Variants in TXNDC11 observed in about 807,000 individuals in gnomAD.
The protein encoded by TXNDC11 is thioredoxin domain-containing protein 11.
A neutral mutation model predicts 78.0 loss-of-function variants in TXNDC11; 68 were observed. The observed-to-expected ratio is 0.87, with a 90% confidence interval of 0.72 to 1.07. The LOEUF is 1.07. Ranked by LOEUF, TXNDC11 falls within the 50% of genes least tolerant of loss-of-function variation. The pLI, the probability that TXNDC11 is intolerant of heterozygous loss-of-function variation, is 0.00. For missense variants in TXNDC11, 1,389 were observed against 1,221.8 expected, an observed-to-expected ratio of 1.14 and a Z score of -2.04; for synonymous variants, 571 against 495.2, an observed-to-expected ratio of 1.15 and a Z score of -2.03.
In TXNDC11 at chr16:11,699,305, ATTTC is replaced by A. The variant is rs1272326551; in HGVS notation, c.907-984_907-981del. On this transcript the variant is annotated intron_variant, in intron 6 of 11. Coordinates refer to ENST00000283033, the MANE Select transcript of TXNDC11 (RefSeq NM_015914.7). ...ACCTTTCTTTCCCCATCTACTTTTA[ATTTC>A]TTTCTCAGTACCCTTTACTATAAAT... is the stretch of plus-strand genomic sequence containing the variant. 2.6e-5 allele frequency among the ~76,000 whole-genome samples: 4 copies of A among 152,270 alleles called. No homozygotes were observed. In the East Asian group the frequency reaches 7.7e-4, roughly 29 times the overall value.
chr16:11,695,127 A>G (rs1455555823), intron 7 of TXNDC11, among the ~76,000 whole-genome samples: 1 of 149,160 alleles, frequency 6.7e-6, no homozygotes, highest in African/African-American at 2.6e-5. Flanking sequence ...TGTAATACAC[A>G]CTGTGATGTC....
intron 6 of TXNDC11, among the ~76,000 whole-genome samples, chr16:11,699,084 A>G (rs2050937857): frequency 6.6e-6 from 1 of 152,220 alleles, no homozygotes; most frequent in African/African-American, 2.4e-5. Context: ...GAAAAATGAG[A>G]TATTTAAAAC....
intron 11 of TXNDC11, among the ~76,000 whole-genome samples, chr16:11,680,179 C>G (rs1194629064): frequency 6.6e-6 from 1 of 152,312 alleles, no homozygotes; most frequent in Admixed American, 6.5e-5. Context: ...TCTGTGTGCT[C>G]GGAGATGCCC....
chr16:11,680,450 G>C (rs1410033732), intron 11 of TXNDC11, among the ~76,000 whole-genome samples: 2 of 152,202 alleles, frequency 1.3e-5, no homozygotes, highest in Non-Finnish European at 2.9e-5. Flanking sequence ...TATGAATTCA[G>C]GCTGCCCAGC....
chr16:11,688,066 T>G, intron 9 of TXNDC11, 100 bp from the exon 10 acceptor site: 1 of 1,013,018 alleles, frequency 9.9e-7, no homozygotes, highest in Admixed American at 2.0e-5. Flanking sequence ...CGAAAAATGC[T>G]ACCTATGCAA....
intron 4 of TXNDC11, among the ~76,000 whole-genome samples, chr16:11,726,754 T>C (rs754617369): frequency 6.6e-6 from 1 of 152,090 alleles, no homozygotes; most frequent in Non-Finnish European, 1.5e-5. Context: ...TCCATATACA[T>C]ATAATAAAAT....
chr16:11,690,471 A>T (rs577042921), intron 8 of TXNDC11, among the ~76,000 whole-genome samples: 2 of 152,374 alleles, frequency 1.3e-5, no homozygotes, highest in East Asian at 3.8e-4. Flanking sequence ...GCAGCAGAAC[A>T]AATTAGGTCT....
intron 10 of TXNDC11, among the ~76,000 whole-genome samples, chr16:11,685,410 C>G (rs2050539186): frequency 6.6e-6 from 1 of 151,954 alleles, no homozygotes; most frequent in African/African-American, 2.4e-5. Context: ...CTTTAGGAGG[C>G]CGAGGCAGGC....
intron 10 of TXNDC11, among the ~76,000 whole-genome samples, chr16:11,685,139 G>A (rs1284071658): frequency 1.3e-5 from 2 of 152,004 alleles, no homozygotes; most frequent in East Asian, 1.9e-4. Flanking sequence ...CGAGGTGGGT[G>A]GACTGTTTGA....
chr16:11,713,577 T>G (rs865921494), intron 5 of TXNDC11, among the ~76,000 whole-genome samples: 1 of 152,148 alleles, frequency 6.6e-6, no homozygotes. Context: ...CCACCATGCC[T>G]GCCTATTTTT....
chr16:11,718,367 A>T (rs2051605229), intron 5 of TXNDC11, among the ~76,000 whole-genome samples: 1 of 152,224 alleles, frequency 6.6e-6, no homozygotes, highest in Non-Finnish European at 1.5e-5. Context: ...ACAACAGTCT[A>T]AACACTTCTT....
At chr16:11,702,661 G>C (rs1012902711) in intron 5 of TXNDC11, among the ~76,000 whole-genome samples, 3 of 152,216 alleles carry the variant, frequency 2.0e-5, no homozygotes, top group Non-Finnish European at 4.4e-5. Context: ...CTGGGCAACA[G>C]AGTGAGACTC....
chr16:11,702,414 T>A lies in TXNDC11; in HGVS notation c.794-1850A>T, dbSNP rs561281326. Among the ~76,000 whole-genome samples, 12 of 152,330 alleles carry A rather than the reference T, an allele frequency of 7.9e-5. 1 individual carries two copies. In the South Asian group the frequency reaches 2.5e-3, roughly 32 times the overall value. ...CAGGCGCAGGGGCTCATGCTCTTAATCCTAGCACTTTGGGAGGCCGAGGTG... is the reference window on the plus strand; with the variant it reads ...CAGGCGCAGGGGCTCATGCTCTTAAACCTAGCACTTTGGGAGGCCGAGGTG... On this transcript the variant is annotated intron_variant, in intron 5 of 11. Coordinates refer to ENST00000283033, the MANE Select transcript of TXNDC11 (RefSeq NM_015914.7).
rs773294363 is a variant in TXNDC11 at position 11,679,700 on chromosome 16, C to A, written c.2372G>T (p.Ser791Ile). Residue 791 changes from serine to isoleucine, a missense_variant, in exon 12 of 12, where the codon AGC becomes ATC. Coordinates refer to ENST00000283033, the MANE Select transcript of TXNDC11 (RefSeq NM_015914.7). This position sits in a 1 kb window ranked among gnomAD's most constrained non-coding sequence, Gnocchi z 4.6. The stretch of plus-strand genomic sequence containing the variant: ...GTGCCCCCGCTGTAAGACTGCCTCG[C>A]TCTGAAGACACTCCTTGGTAGGAGA... ...ANSPTKECLQ[S>I]EAVLQRGHIS... The A allele has an allele frequency of 1.9e-6, 3 of 1,614,198 alleles. No homozygotes were observed. The highest frequency in any genetic ancestry group is 1.7e-5 in the Admixed American group (1 of 60,026).
intron 5 of TXNDC11, among the ~76,000 whole-genome samples, chr16:11,712,219 G>C (rs991558951): frequency 6.6e-6 from 1 of 152,154 alleles, no homozygotes; most frequent in Non-Finnish European, 1.5e-5. Flanking sequence ...ACCTGGGATC[G>C]AGGGATCAAA....
chr16:11,701,170 T>G (rs1028910778), intron 5 of TXNDC11, among the ~76,000 whole-genome samples: 3 of 134,160 alleles, frequency 2.2e-5, no homozygotes, highest in African/African-American at 8.4e-5. Context: ...GGAGTCTCGC[T>G]CTGTGGCCCA....
Position 11,679,948 on chromosome 16 carries a change from CCGTGGATTTTA to C in TXNDC11, c.2235-122_2235-112del. On this transcript the variant is annotated intron_variant, in intron 11 of 11. Coordinates refer to ENST00000283033, the MANE Select transcript of TXNDC11 (RefSeq NM_015914.7). The surrounding 1 kb of genome is among the most constrained non-coding windows in gnomAD (Gnocchi z 4.6). ...CTACTTCTCACCAAGAAAAGACGTTCCGTGGATTTTACTTACTGAAAGTAAGGAAAATGTTG... is the reference window on the plus strand; with the variant it reads ...CTACTTCTCACCAAGAAAAGACGTTCCTTACTGAAAGTAAGGAAAATGTTG... The C allele has an allele frequency of 1.0e-6, 1 of 972,328 alleles. No individual in the cohort carries two copies. The highest frequency in any genetic ancestry group is 1.6e-5 in the African/African-American group (1 of 61,650). 60.2% of individuals were successfully genotyped at this position (972,328 alleles called of 1,614,324 possible).
At chr16:11,726,499 G>C (rs1182773150) in intron 4 of TXNDC11, among the ~76,000 whole-genome samples, 1 of 147,432 alleles carries the variant, frequency 6.8e-6, no homozygotes, top group Non-Finnish European at 1.5e-5. Flanking sequence ...AGAATCACTT[G>C]AACCTGGCAG....
chr16:11,703,640 G>A, intron 5 of TXNDC11: 2 of 701,714 alleles, frequency 2.9e-6, no homozygotes, highest in South Asian at 3.0e-5. Context: ...AGACCTAGAA[G>A]TAATGACATC....
Sources: gnomAD v4.1 joint callset for allele counts (sites outside exome capture counted in the v4.1 genomes callset) on GRCh38, gnomAD v4.1.1 for gene constraint, Gnocchi (gnomAD v3.1) non-coding constraint, MANE v1.5 for transcripts, NCBI Gene and HGNC (gene_info 2026-07-23, HGNC 2026-07-21) for gene names.